The following DTNA variants were observed in gnomAD, a reference collection of about 807,000 sequenced individuals.
DTNA encodes dystrophin-related protein 3.
In DTNA, 43 loss-of-function variants were observed where a neutral mutation model predicts 100.7. That is an observed-to-expected ratio of 0.43 (90% CI 0.33 to 0.55). DTNA has a LOEUF of 0.55. Among genes scored for constraint, DTNA ranks in the 20% least tolerant of loss-of-function variants. The pLI is 0.04. For synonymous variants in DTNA, 349 were observed against 347.9 expected (o/e 1.00, Z -0.04); for missense variants, 798 against 953.9 (o/e 0.84, Z 2.15).
At chr18:34,648,258 C>G (rs187496999) in intron 1 of DTNA, among the ~76,000 whole-genome samples, 2 of 152,206 alleles carry the variant, frequency 1.3e-5, no homozygotes, top group Non-Finnish European at 2.9e-5. Context: ...GTATGTCTAG[C>G]CTTTTGGTCT....
At chr18:34,528,977 G>A (rs2042898759) in intron 1 of DTNA, among the ~76,000 whole-genome samples, 1 of 152,050 alleles carries the variant, frequency 6.6e-6, no homozygotes, top group Non-Finnish European at 1.5e-5. Flanking sequence ...GGGTGACAGT[G>A]CAACTCAGGC....
intron 7 of DTNA, chr18:34,817,918 A>G (rs891449232): frequency 4.5e-6 from 6 of 1,337,802 alleles, no homozygotes; most frequent in Non-Finnish European, 5.8e-6. Context: ...AAATGGCATT[A>G]CAGAGATTTT....
chr18:34,547,125 T>C (rs2044871911), intron 1 of DTNA, among the ~76,000 whole-genome samples: 1 of 152,130 alleles, frequency 6.6e-6, no homozygotes, highest in African/African-American at 2.4e-5. Flanking sequence ...ATAAATAATT[T>C]TTGAAAGATT....
intron 1 of DTNA, among the ~76,000 whole-genome samples, chr18:34,524,345 T>A (rs2042413352): frequency 6.6e-6 from 1 of 152,174 alleles, no homozygotes; most frequent in South Asian, 2.1e-4. Flanking sequence ...GTTCTTATTT[T>A]GACATGTGAC....
intron 15 of DTNA, among the ~76,000 whole-genome samples, chr18:34,857,992 C>A (rs2096573157): frequency 6.6e-6 from 1 of 152,164 alleles, no homozygotes; most frequent in Non-Finnish European, 1.5e-5. Context: ...CATTACATTA[C>A]TTGCTAGAGA....
At position 34,684,031 on chromosome 18, in the gene DTNA, A is replaced by G. The variant is rs116352941; in HGVS notation, c.-1-71945A>G. Among the ~76,000 whole-genome samples the G allele has an allele frequency of 4.1e-3, 619 of 152,226 alleles. 9 individuals carry two copies. Among genetic ancestry groups the G allele is most frequent in the African/African-American group, 0.014 (593 of 41,552 alleles). ...ATGATGTTGCCTGTAGGGTCAAGGGAAACACCTGACATCAAAGATAACTCA... is the reference window on the plus strand; with the variant it reads ...ATGATGTTGCCTGTAGGGTCAAGGGGAACACCTGACATCAAAGATAACTCA... On this transcript the variant is annotated intron_variant, in intron 1 of 19. Coordinates refer to the DTNA transcript ENST00000283365.
intron 4 of DTNA, 114 bp from the exon 5 acceptor site, chr18:34,806,105 C>T: frequency 1.1e-6 from 1 of 875,526 alleles, no homozygotes. Context: ...AGCTATGTAT[C>T]CTGTGATTTC....
chr18:34,863,452 G>A (rs890134634), intron 16 of DTNA, among the ~76,000 whole-genome samples: 63 of 152,148 alleles, frequency 4.1e-4, no homozygotes, highest in African/African-American at 1.2e-3. Flanking sequence ...TTGTATCTAC[G>A]TGCTGTTAAT....
chr18:34,524,807 TC>T (rs1369482383), intron 1 of DTNA, among the ~76,000 whole-genome samples: 1 of 152,094 alleles, frequency 6.6e-6, no homozygotes, highest in Non-Finnish European at 1.5e-5. Flanking sequence ...AGAAAAATAT[TC>T]CTGGAAGCTG....
At chr18:34,853,418 A>G (rs2096508903) in intron 15 of DTNA, among the ~76,000 whole-genome samples, 1 of 152,218 alleles carries the variant, frequency 6.6e-6, no homozygotes, top group East Asian at 1.9e-4. Flanking sequence ...AGTATTCTTT[A>G]AAGTTCTCAA....
chr18:34,661,759 G>A (rs560595158), intron 1 of DTNA, among the ~76,000 whole-genome samples: 1 of 152,258 alleles, frequency 6.6e-6, no homozygotes, highest in East Asian at 1.9e-4. Context: ...ACAGAGTTAA[G>A]TGCAGAGGAT....
intron 21 of DTNA, 129 bp from the exon 22 acceptor site, chr18:34,884,599 C>T: frequency 9.6e-7 from 1 of 1,041,202 alleles, no homozygotes. Context: ...TGGAACGCTA[C>T]TCTCACTCAA....
chr18:34,839,160 C>T (rs1333950912), intron 13 of DTNA, among the ~76,000 whole-genome samples: 1 of 152,190 alleles, frequency 6.6e-6, no homozygotes, highest in Admixed American at 6.5e-5. Context: ...CAAATTACCA[C>T]AGGATGGTGA....
intron 11 of DTNA, among the ~76,000 whole-genome samples, chr18:34,836,552 G>T (rs1005389545): frequency 8.6e-5 from 13 of 151,170 alleles, no homozygotes; most frequent in African/African-American, 3.2e-4. Context: ...GGAGGCTGAG[G>T]CAGGAGAATC....
At chr18:34,846,837 A>T (rs1397431604) in intron 13 of DTNA, among the ~76,000 whole-genome samples, 1 of 152,242 alleles carries the variant, frequency 6.6e-6, no homozygotes, top group Non-Finnish European at 1.5e-5. Context: ...ATGTACATAT[A>T]ATAGTATGTT....
intron 1 of DTNA, among the ~76,000 whole-genome samples, chr18:34,496,392 C>G (rs1164434769): frequency 6.6e-6 from 1 of 152,160 alleles, no homozygotes; most frequent in African/African-American, 2.4e-5. Context: ...TGATTGTTAT[C>G]AAGACATAAA....
At chr18:34,796,014 G>C (rs1160995503) in intron 4 of DTNA, among the ~76,000 whole-genome samples, 1 of 152,184 alleles carries the variant, frequency 6.6e-6, no homozygotes. Flanking sequence ...TCACAAAAAA[G>C]TTCAGAAGAA....
At chr18:34,811,225 T>C (rs775015830) in intron 5 of DTNA, among the ~76,000 whole-genome samples, 1 of 152,216 alleles carries the variant, frequency 6.6e-6, no homozygotes, top group Non-Finnish European at 1.5e-5. Flanking sequence ...ATGCACATAG[T>C]GGCAGAAATT....
Position 34,851,813 on chromosome 18 carries a change from A to G in DTNA, c.1435-18A>G, listed in dbSNP as rs2096483687. Reference sequence around the variant, plus strand: ...TCACATTCTCAATATGAAATCTTATAAACTACATATTTTACAGCAGCCACC... The same window carrying G: ...TCACATTCTCAATATGAAATCTTATGAACTACATATTTTACAGCAGCCACC... On this transcript the variant is annotated intron_variant, in intron 14 of 22. Coordinates refer to ENST00000444659, the MANE Select transcript of DTNA (RefSeq NM_001386795.1). 1 of 1,613,218 alleles carries G rather than the reference A, an allele frequency of 6.2e-7. No homozygotes were observed. The highest frequency in any genetic ancestry group is 8.5e-7 in the Non-Finnish European group (1 of 1,179,258).
Sources: gnomAD v4.1 joint callset for allele counts (sites outside exome capture counted in the v4.1 genomes callset) on GRCh38, gnomAD v4.1.1 for gene constraint, MANE v1.5 for transcripts, NCBI Gene and HGNC (gene_info 2026-07-23, HGNC 2026-07-21) for gene names.